Variants in BOC observed in about 807,000 individuals in gnomAD.
BOC encodes BOC cell adhesion associated, oncogene regulated, also known as brother of CDO.
BOC carries 76 observed loss-of-function variants against 112.0 expected under a neutral mutation model. The observed-to-expected ratio is 0.68, with a 90% CI of 0.56 to 0.82. The LOEUF is 0.82. Ranked by LOEUF, BOC falls within the 40% of genes least tolerant of loss-of-function variation. The pLI, the probability that BOC is intolerant of heterozygous loss-of-function variation, is 0.00. For missense variants in BOC, 1,309 were observed against 1,511.7 expected (o/e 0.87, Z 2.22); for synonymous variants, 580 against 599.8 (o/e 0.97, Z 0.48).
chr3:113,217,534 A>T (rs966072797), intron 2 of BOC, among the ~76,000 whole-genome samples: 107 of 152,198 alleles, frequency 7.0e-4, no homozygotes, highest in African/African-American at 2.4e-3. Context: ...CTCAAAAAAA[A>T]AAAAGAAAGA....
intron 4 of BOC, among the ~76,000 whole-genome samples, chr3:113,266,286 G>A (rs1216401823): frequency 2.0e-5 from 3 of 152,192 alleles, no homozygotes; most frequent in South Asian, 2.1e-4. Context: ...ATACAGGCAT[G>A]CAGTGTGAAA....
chr3:113,254,347 G>C (rs1945988106), intron 4 of BOC, among the ~76,000 whole-genome samples: 1 of 152,216 alleles, frequency 6.6e-6, no homozygotes, highest in Non-Finnish European at 1.5e-5. Context: ...TCATGAAAAA[G>C]AGGGAGTTGG....
At position 113,283,650 on chromosome 3, in the gene BOC, T is replaced by A. The variant is rs558520219; in HGVS notation, c.2656+18T>A. Reference sequence around the variant, plus strand: ...TAAGCAAAGTGAGTGAGTGACGCTTTCAGTGGGAGGATCCTGGGTGGGAAA... The same window carrying A: ...TAAGCAAAGTGAGTGAGTGACGCTTACAGTGGGAGGATCCTGGGTGGGAAA... On this transcript the variant is annotated intron_variant, in intron 16 of 19. Transcript: ENST00000682979. The A allele has an allele frequency of 1.1e-4, 173 of 1,605,980 alleles. No homozygotes were observed. The highest frequency in any genetic ancestry group is 1.4e-4 in the Non-Finnish European group (168 of 1,173,236).
At chr3:113,227,810 A>G (rs1286859009) in intron 2 of BOC, among the ~76,000 whole-genome samples, 3 of 152,136 alleles carry the variant, frequency 2.0e-5, no homozygotes, top group Non-Finnish European at 2.9e-5. Flanking sequence ...GAATAGTATC[A>G]TGAACCCCAT....
At chr3:113,235,320 A>G (rs184430282) in intron 2 of BOC, among the ~76,000 whole-genome samples, 2 of 152,294 alleles carry the variant, frequency 1.3e-5, no homozygotes, top group Admixed American at 1.3e-4. Flanking sequence ...AATTAGAAAG[A>G]GGGATGGAGA....
chr3:113,254,150 G>T (rs936436823), intron 4 of BOC, among the ~76,000 whole-genome samples: 31 of 152,368 alleles, frequency 2.0e-4, no homozygotes, highest in Non-Finnish European at 3.7e-4. Flanking sequence ...ACAAAGGGAA[G>T]TGTTTGGTTG....
intron 2 of BOC, among the ~76,000 whole-genome samples, chr3:113,247,638 C>T (rs917634931): frequency 2.6e-5 from 4 of 151,938 alleles, no homozygotes; most frequent in Non-Finnish European, 4.4e-5. Flanking sequence ...ACTCAATTTT[C>T]TCTCCTGTAA....
At chr3:113,210,967 G>A (rs546321861), upstream of BOC, 1 of 152,278 alleles carries the variant, frequency 6.6e-6, no homozygotes, top group African/African-American at 2.4e-5. Context: ...ATGGAGGTCA[G>A]GGCGCTGTCA....
chr3:113,219,385 A>C (rs1214029163), intron 2 of BOC, among the ~76,000 whole-genome samples: 1 of 152,218 alleles, frequency 6.6e-6, no homozygotes, highest in African/African-American at 2.4e-5. Flanking sequence ...CCTTGTGTTA[A>C]AGCACTCCAA....
chr3:113,224,752 A>G (rs1273703035), intron 2 of BOC, among the ~76,000 whole-genome samples: 5 of 152,134 alleles, frequency 3.3e-5, no homozygotes, highest in Non-Finnish European at 7.4e-5. Context: ...TGAGGCCAGG[A>G]GTTTGAGACC....
intron 19 of BOC, 95 bp from the exon 20 acceptor site, chr3:113,286,580 C>T: frequency 1.8e-6 from 2 of 1,134,310 alleles, no homozygotes; most frequent in Non-Finnish European, 2.4e-6. Context: ...CCAGTGTAAC[C>T]ACCTCCACCA....
At chr3:113,266,610 G>A (rs9873004) in intron 4 of BOC, among the ~76,000 whole-genome samples, 3,455 of 152,234 alleles carry the variant, frequency 0.023, 128 homozygotes, top group African/African-American at 0.077. Context: ...TACCTAACTC[G>A]TGGGGCTCAG....
At position 113,279,429 on chromosome 3, in the gene BOC, C is replaced by T; in HGVS notation, c.1997C>T (p.Ser666Phe). ...ATSAIPPSRL[S>F]VEITGLEKGT... Reference sequence around the variant, plus strand: ...AGCGCCATCCCCCCATCGCGGCTGTCCGTGGAGATCACGGGCCTAGAGAAA... The same window carrying T: ...AGCGCCATCCCCCCATCGCGGCTGTTCGTGGAGATCACGGGCCTAGAGAAA... The change falls in exon 12 of 20, where the codon TCC (serine) becomes TTC (phenylalanine). Residue 666 changes from serine (S) to phenylalanine (F), a missense_variant. By Grantham distance (155) the Ser-to-Phe change is radical. Transcript: ENST00000682979. 2 of 1,614,122 alleles carry T rather than the reference C, an allele frequency of 1.2e-6. No homozygotes were observed. The highest frequency in any genetic ancestry group is 1.7e-6 in the Non-Finnish European group (2 of 1,180,010).
At chr3:113,221,536 A>G (rs1165374875) in intron 2 of BOC, among the ~76,000 whole-genome samples, 1 of 152,216 alleles carries the variant, frequency 6.6e-6, no homozygotes, top group African/African-American at 2.4e-5. Context: ...TCTTGGAGTC[A>G]TCCTTGACTA....
Position 113,284,436 on chromosome 3 carries a change from C to T in BOC, c.2758C>T (p.Gln920Ter). The change falls in exon 17 of 20, where the codon CAG (glutamine) becomes TAG (stop). Residue 920 changes from glutamine (Q) to a stop codon, truncating the protein, a stop_gained. Coordinates refer to ENST00000682979, the MANE Select transcript of BOC (RefSeq NM_001378074.1). LOFTEE classifies it high-confidence loss of function. The stretch of plus-strand genomic sequence containing the variant: ...ACTCCCAGGCCACCAGGCCAGTGGA[C>T]AGCCCTACCTCAGTGGCATCAGTGG... ...GGLPGHQASG[Q>*]PYLSGISGRA... 1 of 1,614,242 alleles carries T rather than the reference C, an allele frequency of 6.2e-7. No individual in the cohort carries two copies. The highest frequency in any genetic ancestry group is 8.5e-7 in the Non-Finnish European group (1 of 1,180,016).
In BOC at chr3:113,285,389, CG is replaced by C; in HGVS notation, c.2986del (p.Asp996ThrfsTer39). The C allele has an allele frequency of 6.2e-7, 1 of 1,613,124 alleles. No individual in the cohort carries two copies. The highest frequency in any genetic ancestry group is 2.2e-5 in the East Asian group (1 of 44,882). ...HQITRGPKSSPDEGSFLYTLP... is the reference protein window; with the variant it reads ...HQITRGPKSSXDEGSFLYTLP... ...CACTGCAGGGGTCCCAAGTCTAGCCCGGACGAGGGCTCTTTCTTATACACAC... is the reference window on the plus strand; with the variant it reads ...CACTGCAGGGGTCCCAAGTCTAGCCCGACGAGGGCTCTTTCTTATACACAC... On this transcript the variant is annotated frameshift_variant, in exon 19 of 20. Coordinates refer to ENST00000682979, the MANE Select transcript of BOC (RefSeq NM_001378074.1). LOFTEE classifies it high-confidence loss of function.
At chr3:113,270,673 G>A (rs1024090096) in intron 5 of BOC, 128 bp from the exon 6 acceptor site, 3 of 1,063,710 alleles carry the variant, frequency 2.8e-6, no homozygotes, top group Middle Eastern at 2.5e-4. Context: ...TGGGGACTCA[G>A]GTGGACATCA....
intron 4 of BOC, among the ~76,000 whole-genome samples, chr3:113,263,265 G>T (rs1286000734): frequency 1.3e-5 from 2 of 152,238 alleles, no homozygotes; most frequent in African/African-American, 4.8e-5. Context: ...TGACCTAATG[G>T]ATCCCATCCA....
chr3:113,269,098 G>T (rs1947830536), intron 5 of BOC, among the ~76,000 whole-genome samples: 1 of 152,190 alleles, frequency 6.6e-6, no homozygotes, highest in South Asian at 2.1e-4. Context: ...GGCACACACA[G>T]GAAGGCTGCC....
Sources: allele counts gnomAD v4.1 joint callset (sites outside exome capture counted in the v4.1 genomes callset), GRCh38; gene constraint gnomAD v4.1.1; transcripts MANE v1.5; gene names NCBI Gene and HGNC (gene_info 2026-07-23, HGNC 2026-07-21).